EFR3A: variants seen among roughly 807,000 people sequenced by gnomAD.
EFR3A encodes the protein protein EFR3 homolog A.
Under a neutral mutation model 104.4 loss-of-function variants are expected in EFR3A, and 76 were observed. The ratio of observed to expected loss-of-function variants is 0.73; its 90% confidence interval spans 0.60 to 0.88. EFR3A has a LOEUF of 0.88. EFR3A is among the 40% of genes least tolerant of loss of function. The probability of loss-of-function intolerance (pLI) is 0.00; values close to 1 mark genes in which losing one functional copy is unlikely to be tolerated. For synonymous variants in EFR3A, 330 were observed against 330.0 expected, an observed-to-expected ratio of 1.00 and a Z score of 0.00; for missense variants, 985 against 1,012.5, an observed-to-expected ratio of 0.97 and a Z score of 0.37.
intron 1 of EFR3A, among the ~76,000 whole-genome samples, chr8:131,929,868 A>G (rs1378919105): frequency 6.6e-6 from 1 of 152,158 alleles, no homozygotes; most frequent in African/African-American, 2.4e-5. Context: ...TACCAGTTTT[A>G]CTACTAGTAA....
At chr8:131,916,654 G>A (rs953055465) in intron 1 of EFR3A, among the ~76,000 whole-genome samples, 2 of 152,200 alleles carry the variant, frequency 1.3e-5, no homozygotes, top group African/African-American at 2.4e-5. Flanking sequence ...CACAGGAACC[G>A]AAGAGGGAGC....
chr8:131,930,870 T>C (rs2130498445), intron 1 of EFR3A, among the ~76,000 whole-genome samples: 1 of 152,278 alleles, frequency 6.6e-6, no homozygotes, highest in Non-Finnish European at 1.5e-5. Context: ...ATTCAGTTAT[T>C]GTAATATATA....
In EFR3A at chr8:132,011,425, T is replaced by C. The variant is rs1822339936; in HGVS notation, c.*530T>C. 1 of 985,474 alleles carries C rather than the reference T, an allele frequency of 1.0e-6. No individual in the cohort carries two copies. The highest frequency in any genetic ancestry group is 1.2e-6 in the Non-Finnish European group (1 of 829,954). The allele number at this position is 985,474 out of a possible 1,614,324, so 61.0% of individuals were successfully genotyped here. A position where few individuals can be genotyped will look rare whatever the true frequency, so the allele number is the denominator to read the frequency against. On this transcript the variant is annotated 3_prime_UTR_variant, in exon 23 of 23. Transcript: ENST00000254624. Reference sequence around the variant, plus strand: ...TAGGCACCTTGCTATTCAGTTACTATAATAATATGTGATAGGCATTCCTCA... The same window carrying C: ...TAGGCACCTTGCTATTCAGTTACTACAATAATATGTGATAGGCATTCCTCA...
chr8:131,969,575 A>G (rs1311382269), intron 9 of EFR3A, among the ~76,000 whole-genome samples: 1 of 148,802 alleles, frequency 6.7e-6, no homozygotes. Flanking sequence ...TTTTCAACCC[A>G]TAGTTGGTTG....
chr8:131,910,745 C>T (rs983056011), intron 1 of EFR3A, among the ~76,000 whole-genome samples: 1 of 152,294 alleles, frequency 6.6e-6, no homozygotes, highest in South Asian at 2.1e-4. Context: ...ACATTTTACT[C>T]ATTACATGGC....
chr8:131,997,878 GTCAGTCTATTTTGATAAAA>G (rs1291000704), intron 19 of EFR3A, among the ~76,000 whole-genome samples: 6 of 152,032 alleles, frequency 3.9e-5, no homozygotes, highest in African/African-American at 1.4e-4. Context: ...GTTGGAAAGA[GTCAGTCTATTTTGATAAAA>G]TCAACTGAAA....
At position 131,984,992 on chromosome 8, in the gene EFR3A, G is replaced by A; in HGVS notation, c.1801G>A (p.Val601Ile). Residue 601 changes from valine to isoleucine, a missense_variant, in exon 16 of 23, where the codon GTT (valine) becomes ATT (isoleucine). Val to Ile is a conservative substitution (Grantham distance 29, BLOSUM62 3). Coordinates refer to ENST00000254624, the MANE Select transcript of EFR3A (RefSeq NM_015137.6). Reference protein sequence around the residue: ...MFHRCGIMALVAAYLNFVSQM... With the variant: ...MFHRCGIMALIAAYLNFVSQM... ...CCATCGTTGTGGAATCATGGCACTGGTTGCAGCATACCTCAACTTTGTAAG... is the reference window on the plus strand; with the variant it reads ...CCATCGTTGTGGAATCATGGCACTGATTGCAGCATACCTCAACTTTGTAAG... 6.2e-7 allele frequency: 1 copy of A among 1,613,600 alleles called. No homozygotes were observed. Among genetic ancestry groups the A allele is most frequent in the Non-Finnish European group, 8.5e-7 (1 of 1,179,630 alleles).
intron 4 of EFR3A, among the ~76,000 whole-genome samples, chr8:131,947,775 A>G (rs1056693250): frequency 4.6e-5 from 7 of 152,124 alleles, no homozygotes; most frequent in South Asian, 2.1e-4. Context: ...ATATTTAACT[A>G]TGCCATTACT....
At chr8:131,945,289 AAG>A (rs1311886830) in intron 3 of EFR3A, among the ~76,000 whole-genome samples, 2 of 151,970 alleles carry the variant, frequency 1.3e-5, no homozygotes, top group African/African-American at 4.8e-5. Context: ...GAGGAGTAAT[AAG>A]AGAGAACCGT....
chr8:131,909,034 A>G (rs1467278001), intron 1 of EFR3A, among the ~76,000 whole-genome samples: 3 of 152,154 alleles, frequency 2.0e-5, no homozygotes, highest in Non-Finnish European at 4.4e-5. Flanking sequence ...TATACAGTAC[A>G]TTGTTATTAA....
intron 1 of EFR3A, among the ~76,000 whole-genome samples, chr8:131,919,694 A>G (rs904056492): frequency 1.3e-5 from 2 of 151,828 alleles, no homozygotes; most frequent in South Asian, 2.1e-4. Context: ...CTGGACAGAT[A>G]CTTTTAACAA....
intron 1 of EFR3A, among the ~76,000 whole-genome samples, chr8:131,925,729 T>G (rs186048109): frequency 2.4e-3 from 361 of 152,248 alleles, no homozygotes; most frequent in Non-Finnish European, 4.3e-3. Flanking sequence ...AATGCTATAT[T>G]AAGTATAGTG....
intron 1 of EFR3A, among the ~76,000 whole-genome samples, chr8:131,937,644 G>T (rs1054301713): frequency 3.9e-5 from 6 of 152,024 alleles, no homozygotes; most frequent in African/African-American, 1.4e-4. Flanking sequence ...TATTTCCTAG[G>T]TGACAAACAC....
chr8:131,983,874 A>G (rs1049485497), intron 14 of EFR3A, among the ~76,000 whole-genome samples: 1 of 152,164 alleles, frequency 6.6e-6, no homozygotes, highest in Non-Finnish European at 1.5e-5. Context: ...CTATTAAAAA[A>G]CATTTTCATT....
At chr8:131,959,765 C>A in intron 8 of EFR3A, 102 bp downstream of exon 8, 1 of 681,566 alleles carries the variant, frequency 1.5e-6, no homozygotes, top group Non-Finnish European at 2.4e-6. Flanking sequence ...GGATATAAAT[C>A]ATTGCTCTTA....
chr8:131,991,719 A>G (rs1032861698), intron 18 of EFR3A, among the ~76,000 whole-genome samples: 3 of 152,148 alleles, frequency 2.0e-5, no homozygotes, highest in African/African-American at 7.2e-5. Flanking sequence ...TTTCCTGAGG[A>G]GAGGCCATGT....
chr8:131,931,736 A>G (rs1236046779), intron 1 of EFR3A, among the ~76,000 whole-genome samples: 1 of 152,080 alleles, frequency 6.6e-6, no homozygotes, highest in East Asian at 1.9e-4. Context: ...GTTATTATAT[A>G]TGAAAAAAAA....
intron 18 of EFR3A, among the ~76,000 whole-genome samples, chr8:131,994,553 A>G (rs1563700611): frequency 6.6e-6 from 1 of 152,186 alleles, no homozygotes; most frequent in Non-Finnish European, 1.5e-5. Flanking sequence ...TTTAACAATT[A>G]TAATTAGGAC....
At chr8:131,982,223 ATTG>A (rs1820652560) in intron 14 of EFR3A, among the ~76,000 whole-genome samples, 1 of 151,996 alleles carries the variant, frequency 6.6e-6, no homozygotes, top group African/African-American at 2.4e-5. Context: ...CTTGAACTAT[ATTG>A]TTTAGTTTTG....
Sources: allele counts gnomAD v4.1 joint callset (sites outside exome capture counted in the v4.1 genomes callset), GRCh38; gene constraint gnomAD v4.1.1; transcripts MANE v1.5; gene names NCBI Gene and HGNC (gene_info 2026-07-23, HGNC 2026-07-21).